Variants in RAP1GDS1 observed in about 807,000 individuals in gnomAD.
RAP1GDS1 encodes the protein Rap1 GTPase-GDP dissociation stimulator 1, also known as RAP1, GTP-GDP dissociation stimulator 1.
RAP1GDS1 carries 35 observed loss-of-function variants against 71.1 expected under a neutral mutation model. The observed-to-expected ratio is 0.49, with a 90% CI of 0.38 to 0.65. The LOEUF is 0.65. Among genes scored for constraint, RAP1GDS1 ranks in the 30% least tolerant of loss-of-function variants. The pLI, the probability that RAP1GDS1 is intolerant of heterozygous loss-of-function variation, is 0.00. For synonymous variants in RAP1GDS1, 229 were observed against 243.1 expected (o/e 0.94, Z 0.54); for missense variants, 663 against 706.1 (o/e 0.94, Z 0.69).
At chr4:98,419,815 A>T (rs1331032083) in intron 10 of RAP1GDS1, among the ~76,000 whole-genome samples, 1 of 152,240 alleles carries the variant, frequency 6.6e-6, no homozygotes, top group African/African-American at 2.4e-5. Flanking sequence ...ATTGTCTGTT[A>T]TCCGCTTATA....
chr4:98,399,044 CTTTT>C (rs796490853), intron 6 of RAP1GDS1, among the ~76,000 whole-genome samples: 90 of 151,472 alleles, frequency 5.9e-4, no homozygotes, highest in African/African-American at 2.0e-3. Flanking sequence ...ATACCAATGA[CTTTT>C]TTTTTGTGGA....
intron 4 of RAP1GDS1, among the ~76,000 whole-genome samples, chr4:98,363,771 G>C (rs909599281): frequency 1.3e-5 from 2 of 152,146 alleles, no homozygotes; most frequent in Non-Finnish European, 2.9e-5. Context: ...TGGAAATTAA[G>C]AGTTAAGAAG....
intron 12 of RAP1GDS1, 21 bp from the exon 13 acceptor site, chr4:98,433,915 C>A: frequency 6.3e-7 from 1 of 1,586,724 alleles, no homozygotes; most frequent in South Asian, 1.1e-5. Flanking sequence ...GTCTATAATT[C>A]TCTGATATTA....
intron 1 of RAP1GDS1, among the ~76,000 whole-genome samples, chr4:98,284,740 A>G (rs1725728475): frequency 6.6e-6 from 1 of 152,176 alleles, no homozygotes; most frequent in African/African-American, 2.4e-5. Context: ...TTGTTGGAAT[A>G]CCAGCCTGCT....
chr4:98,330,851 C>T (rs534877013), intron 2 of RAP1GDS1, among the ~76,000 whole-genome samples: 26 of 151,928 alleles, frequency 1.7e-4, no homozygotes, highest in Middle Eastern at 3.4e-3. Context: ...ACATCCCAGA[C>T]GATGGGCGGC....
At chr4:98,325,422 G>A (rs1168554283) in intron 2 of RAP1GDS1, among the ~76,000 whole-genome samples, 2,172 of 151,516 alleles carry the variant, frequency 0.014, 49 homozygotes, top group African/African-American at 0.05. Flanking sequence ...CCATTACTGG[G>A]TATATACCCA....
chr4:98,425,517 G>A (rs187482108), intron 12 of RAP1GDS1, among the ~76,000 whole-genome samples: 4 of 152,230 alleles, frequency 2.6e-5, no homozygotes, highest in Admixed American at 2.6e-4. Context: ...ACTCACTTAA[G>A]GTAGAGGGGT....
intron 2 of RAP1GDS1, among the ~76,000 whole-genome samples, chr4:98,310,062 G>T (rs1039438836): frequency 2.0e-5 from 3 of 151,988 alleles, no homozygotes; most frequent in Admixed American, 1.3e-4. Context: ...TTAGTTTAAC[G>T]TATAACATAA....
At chr4:98,374,818 G>C (rs183562630) in intron 4 of RAP1GDS1, among the ~76,000 whole-genome samples, 152 of 152,170 alleles carry the variant, frequency 1.0e-3, no homozygotes, top group Non-Finnish European at 1.6e-3. Context: ...CTTCAGGCTT[G>C]GACCCGTTCC....
At chr4:98,334,781 A>T (rs1029615283) in intron 2 of RAP1GDS1, among the ~76,000 whole-genome samples, 2 of 151,844 alleles carry the variant, frequency 1.3e-5, no homozygotes, top group African/African-American at 4.8e-5. Context: ...GTTAGTTGTC[A>T]TCGAGCTGTT....
intron 1 of RAP1GDS1, among the ~76,000 whole-genome samples, chr4:98,269,135 C>T (rs1723094842): frequency 7.6e-6 from 1 of 131,274 alleles, no homozygotes; most frequent in South Asian, 2.4e-4. Context: ...AATAGAGAGG[C>T]CAGAAATAAA....
intron 2 of RAP1GDS1, among the ~76,000 whole-genome samples, chr4:98,335,019 CTGTT>C (rs1167974187): frequency 6.6e-6 from 1 of 151,144 alleles, no homozygotes; most frequent in Non-Finnish European, 1.5e-5. Flanking sequence ...TGAATAATGA[CTGTT>C]TGAGCTCTGG....
chr4:98,389,706 G>A lies in RAP1GDS1; in HGVS notation c.509-2246G>A, dbSNP rs186897481. ...ATTTGTATGCCAAAGATTGTATTAA[G>A]CGCTATAACATTTCTTTACTTTTCA... On this transcript the variant is annotated intron_variant, in intron 5 of 14. Coordinates refer to ENST00000408927, the MANE Select transcript of RAP1GDS1 (RefSeq NM_001100427.2). Among the ~76,000 whole-genome samples the A allele has an allele frequency of 3.2e-3, 485 of 152,250 alleles. 14 individuals carry two copies. The highest frequency in any genetic ancestry group is 0.027 in the Admixed American group (413 of 15,284).
At chr4:98,423,554 G>GT (rs1017190827) in intron 12 of RAP1GDS1, among the ~76,000 whole-genome samples, 15 of 151,852 alleles carry the variant, frequency 9.9e-5, no homozygotes, top group African/African-American at 2.9e-4. Flanking sequence ...TTTTTTCGGG[G>GT]TTTTTTTGAG....
chr4:98,354,121 G>A (rs1422841703), intron 4 of RAP1GDS1, among the ~76,000 whole-genome samples: 1 of 149,098 alleles, frequency 6.7e-6, no homozygotes, highest in Non-Finnish European at 1.5e-5. Context: ...GGACTGCAGT[G>A]GCGCAATCTC....
At chr4:98,301,166 G>A (rs915285529) in intron 2 of RAP1GDS1, among the ~76,000 whole-genome samples, 15 of 151,696 alleles carry the variant, frequency 9.9e-5, no homozygotes, top group South Asian at 4.2e-4. Flanking sequence ...TTTCTTTTGC[G>A]AACTGAATTC....
chr4:98,410,870 C>T (rs12508978), intron 7 of RAP1GDS1, among the ~76,000 whole-genome samples: 72,080 of 151,910 alleles, frequency 0.47, 19,860 homozygotes, highest in African/African-American at 0.78. Context: ...ACCATAATAA[C>T]CAGGATGATT....
chr4:98,276,041 A>T (rs767712729), intron 1 of RAP1GDS1, among the ~76,000 whole-genome samples: 1 of 151,550 alleles, frequency 6.6e-6, no homozygotes, highest in Non-Finnish European at 1.5e-5. Context: ...TAAACAACAG[A>T]TTTTTTTTTC....
chr4:98,357,825 T>C (rs927817267), intron 4 of RAP1GDS1, among the ~76,000 whole-genome samples: 4 of 151,978 alleles, frequency 2.6e-5, no homozygotes, highest in Non-Finnish European at 5.9e-5. Context: ...AGCTCCACCA[T>C]TCACTAAGTT....
Sources: allele counts gnomAD v4.1 joint callset (sites outside exome capture counted in the v4.1 genomes callset), GRCh38; gene constraint gnomAD v4.1.1; transcripts MANE v1.5; gene names NCBI Gene and HGNC (gene_info 2026-07-23, HGNC 2026-07-21).